ECT2L: variants seen among roughly 807,000 people sequenced by gnomAD.
ECT2L encodes the protein epithelial cell-transforming sequence 2 oncogene-like.
In ECT2L, 126 loss-of-function variants were observed where a neutral mutation model predicts 122.8. That is an observed-to-expected ratio of 1.03 (90% confidence interval 0.89 to 1.19). The LOEUF (loss-of-function observed/expected upper bound fraction) is 1.19, where lower values mean the gene tolerates loss of function less well. Among genes scored for constraint, ECT2L ranks in the 50% most tolerant of loss-of-function variants. ECT2L has a pLI of 0.00. For missense variants in ECT2L, 1,012 were observed against 1,064.1 expected (o/e 0.95, Z 0.68); for synonymous variants, 385 against 381.8 (o/e 1.01, Z -0.10).
rs781513042 is a variant in ECT2L at position 138,900,955 on chromosome 6, G to C, written c.2422G>C (p.Glu808Gln). Residue 808 changes from glutamate (E) to glutamine (Q), a missense_variant, in exon 21 of 22, where the codon GAA (glutamate) becomes CAA (glutamine). By Grantham distance (29) the Glu-to-Gln change is conservative (BLOSUM62 2). Transcript: ENST00000541398. ...EEISFSLRLY[E>Q]HIHDLSLFLF... ...TTCTCCATTTTAACACAGGCTCTAT[G>C]AACACATCCATGATCTCAGCCTTTT... 5 of 1,613,782 alleles carry C rather than the reference G, an allele frequency of 3.1e-6. No homozygotes were observed. The highest frequency in any genetic ancestry group is 1.7e-5 in the Admixed American group (1 of 59,940).
At chr6:138,800,982 A>G (rs896307639) in intron 1 of ECT2L, among the ~76,000 whole-genome samples, 1 of 152,184 alleles carries the variant, frequency 6.6e-6, no homozygotes, top group Non-Finnish European at 1.5e-5. Flanking sequence ...ACATGGCAGA[A>G]GGTGGAAGGG....
At chr6:138,861,810 G>C (rs1258574167) in intron 10 of ECT2L, among the ~76,000 whole-genome samples, 1 of 151,982 alleles carries the variant, frequency 6.6e-6, no homozygotes, top group East Asian at 1.9e-4. Context: ...CCAGGGAAGG[G>C]GCTAAATTTT....
At chr6:138,857,980 G>A (rs1777678172) in intron 10 of ECT2L, among the ~76,000 whole-genome samples, 2 of 152,166 alleles carry the variant, frequency 1.3e-5, no homozygotes, top group South Asian at 4.1e-4. Context: ...AAAAGAGGAA[G>A]CCCCTTATAA....
At chr6:138,852,348 GAGAA>G (rs1350669385) in intron 9 of ECT2L, among the ~76,000 whole-genome samples, 1 of 151,164 alleles carries the variant, frequency 6.6e-6, no homozygotes, top group Non-Finnish European at 1.5e-5. Context: ...TTTTTTCCGG[GAGAA>G]AGAGATGATG....
At chr6:138,894,374 AC>A in intron 20 of ECT2L, among the ~76,000 whole-genome samples, 1 of 152,334 alleles carries the variant, frequency 6.6e-6, no homozygotes, top group South Asian at 2.1e-4. Flanking sequence ...CAAGCTCTTT[AC>A]ATGTGGACTG....
chr6:138,849,281 A>T lies in ECT2L; in HGVS notation c.916A>T (p.Ser306Cys), dbSNP rs1402289163. ...RIPAYEMVME[S>C]VKAGVVSVVY... is the part of the protein sequence containing the mutation. ...TTTCATTCTCCAGATGGTGATGGAG[A>T]GTGTGAAGGCTGGTGTTGTTTCTGT... The change falls in exon 9 of 22, where the codon AGT becomes TGT. Residue 306 changes from serine (S) to cysteine (C), a missense_variant. Transcript: ENST00000541398. 1.2e-6 allele frequency: 2 copies of T among 1,610,782 alleles called. No individual in the cohort carries two copies. Among genetic ancestry groups the T allele is most frequent in the South Asian group, 1.1e-5 (1 of 90,406 alleles).
At chr6:138,888,382 T>C (rs1269192618) in intron 19 of ECT2L, among the ~76,000 whole-genome samples, 1 of 149,846 alleles carries the variant, frequency 6.7e-6, no homozygotes, top group Non-Finnish European at 1.5e-5. Flanking sequence ...AGTGGCACGA[T>C]CTCGGCTCAC....
chr6:138,880,122 T>C (rs1168729037), intron 14 of ECT2L, among the ~76,000 whole-genome samples: 1 of 152,182 alleles, frequency 6.6e-6, no homozygotes, highest in East Asian at 1.9e-4. Context: ...ATGCTTCAGA[T>C]TTTTCATATG....
chr6:138,828,315 T>C (rs1351785088), intron 4 of ECT2L, among the ~76,000 whole-genome samples: 2 of 152,188 alleles, frequency 1.3e-5, no homozygotes, highest in Non-Finnish European at 2.9e-5. Context: ...TTAATATGAC[T>C]TCTAGATTTC....
chr6:138,849,472 T>A (rs1465802841), intron 9 of ECT2L, 38 bp downstream of exon 9: 13 of 1,572,650 alleles, frequency 8.3e-6, no homozygotes, highest in Non-Finnish European at 1.1e-5. Context: ...ACCATGGAAC[T>A]TCGCGCTGTG....
chr6:138,830,227 T>C (rs1295945336), intron 4 of ECT2L, among the ~76,000 whole-genome samples: 2 of 152,232 alleles, frequency 1.3e-5, no homozygotes, highest in African/African-American at 2.4e-5. Flanking sequence ...ATCTAGCTTC[T>C]ACCACTGTGT....
intron 4 of ECT2L, among the ~76,000 whole-genome samples, chr6:138,826,628 T>C (rs1020793464): frequency 1.3e-5 from 2 of 152,172 alleles, no homozygotes; most frequent in South Asian, 4.1e-4. Context: ...GATTGCATTA[T>C]AGCACTCCAG....
chr6:138,856,783 C>T (rs1777626618), intron 10 of ECT2L, among the ~76,000 whole-genome samples: 1 of 152,186 alleles, frequency 6.6e-6, no homozygotes, highest in African/African-American at 2.4e-5. Flanking sequence ...TCTGATTGGT[C>T]TAACTTTACT....
chr6:138,808,675 A>G (rs1775790026), intron 1 of ECT2L, among the ~76,000 whole-genome samples: 1 of 151,692 alleles, frequency 6.6e-6, no homozygotes, highest in Non-Finnish European at 1.5e-5. Context: ...ATTTTTCTAC[A>G]TACAATTATG....
chr6:138,873,482 C>T (rs1778322941), intron 13 of ECT2L, among the ~76,000 whole-genome samples: 1 of 152,214 alleles, frequency 6.6e-6, no homozygotes, highest in African/African-American at 2.4e-5. Flanking sequence ...ATGAAAGCTT[C>T]TCTGAGATAA....
Position 138,849,390 on chromosome 6 carries a change from G to T in ECT2L, c.1025G>T (p.Gly342Val), listed in dbSNP as rs1381036788. The change falls in exon 9 of 22, where the codon GGA becomes GTA. Residue 342 changes from glycine (G) to valine (V), a missense_variant. Transcript: ENST00000541398. ...ALDGQKAQSIGIFSDGDSREI... is the reference protein window; with the variant it reads ...ALDGQKAQSIVIFSDGDSREI... ...GATGGGCAGAAGGCACAGAGCATCG[G>T]AATATTTAGCGATGGAGACAGCAGA... 6.2e-7 allele frequency: 1 copy of T among 1,613,942 alleles called. No homozygotes were observed. The highest frequency in any genetic ancestry group is 2.2e-5 in the East Asian group (1 of 44,872).
chr6:138,813,405 G>A, intron 3 of ECT2L, 65 bp downstream of exon 3: 1 of 1,258,180 alleles, frequency 7.9e-7, no homozygotes, highest in Non-Finnish European at 1.1e-6. Flanking sequence ...GTGATATATT[G>A]GGTCTCATGT....
chr6:138,825,931 C>G (rs1776432946), intron 4 of ECT2L, among the ~76,000 whole-genome samples: 1 of 152,196 alleles, frequency 6.6e-6, no homozygotes, highest in South Asian at 2.1e-4. Flanking sequence ...AACTTATCGC[C>G]CAAAATGAAT....
intron 1 of ECT2L, among the ~76,000 whole-genome samples, chr6:138,798,733 CTAAA>C (rs1413738512): frequency 6.6e-6 from 1 of 152,142 alleles, no homozygotes; most frequent in African/African-American, 2.4e-5. Context: ...TTAAAGCAAA[CTAAA>C]TATGGCCTAA....
Sources: gnomAD v4.1 joint callset for allele counts (sites outside exome capture counted in the v4.1 genomes callset) on GRCh38, gnomAD v4.1.1 for gene constraint, MANE v1.5 for transcripts, NCBI Gene and HGNC (gene_info 2026-07-23, HGNC 2026-07-21) for gene names.